Variants in CEP112 observed in about 807,000 individuals in gnomAD.
CEP112 encodes centrosomal protein 112.
In CEP112, 127 loss-of-function variants were observed where a neutral mutation model predicts 153.0. The observed-to-expected ratio is 0.83, with a 90% CI of 0.72 to 0.96. CEP112 has a LOEUF of 0.96. Among genes scored for constraint, CEP112 ranks in the 40% least tolerant of loss-of-function variants. The pLI is 0.00. For missense variants in CEP112, 1,089 were observed against 1,101.2 expected (o/e 0.99, Z 0.16); for synonymous variants, 358 against 374.4 (o/e 0.96, Z 0.51).
At chr17:66,071,299 TC>T (rs2067300669) in intron 8 of CEP112, among the ~76,000 whole-genome samples, 1 of 152,066 alleles carries the variant, frequency 6.6e-6, no homozygotes, top group African/African-American at 2.4e-5. Context: ...AAAATTCAAT[TC>T]CCTTGCCTCT....
At chr17:65,682,444 C>T (rs1418964102) in intron 24 of CEP112, among the ~76,000 whole-genome samples, 1 of 152,104 alleles carries the variant, frequency 6.6e-6, no homozygotes, top group Admixed American at 6.5e-5. Context: ...ATTTCTTGTT[C>T]ATCTTCCCTG....
At chr17:65,714,574 T>C (rs572177219) in intron 23 of CEP112, among the ~76,000 whole-genome samples, 2 of 152,194 alleles carry the variant, frequency 1.3e-5, no homozygotes, top group Non-Finnish European at 2.9e-5. Flanking sequence ...ATTACATGAC[T>C]TTGCCGTCTT....
chr17:65,867,389 G>A (rs887099687), intron 20 of CEP112, among the ~76,000 whole-genome samples: 9 of 152,168 alleles, frequency 5.9e-5, no homozygotes, highest in African/African-American at 9.7e-5. Context: ...AGGCAAAGAC[G>A]CCACTGGCCA....
At chr17:66,063,168 A>G (rs1220191639) in intron 10 of CEP112, 87 bp from the exon 11 acceptor site, 1 of 514,152 alleles carries the variant, frequency 1.9e-6, no homozygotes, top group Non-Finnish European at 3.3e-6. Context: ...GTTAGTAGGT[A>G]ATTCAATTTT....
chr17:66,072,120 A>G (rs2067327416), intron 8 of CEP112, among the ~76,000 whole-genome samples: 2 of 152,080 alleles, frequency 1.3e-5, no homozygotes, highest in Admixed American at 6.6e-5. Flanking sequence ...TTTTATGTCT[A>G]TATCTACCTC....
At chr17:65,920,399 ATATATAAT>A (rs1568230025) in intron 19 of CEP112, among the ~76,000 whole-genome samples, 1 of 112,846 alleles carries the variant, frequency 8.9e-6, no homozygotes, top group South Asian at 2.7e-4. Context: ...ATATATATAT[ATATATAAT>A]TATAATATAT....
intron 12 of CEP112, among the ~76,000 whole-genome samples, chr17:66,031,483 T>G (rs61634652): frequency 0.59 from 59,019 of 100,590 alleles, 13,917 homozygotes; most frequent in Non-Finnish European, 0.63. Context: ...GTTTTTTTTT[T>G]TTGTTTTTTT....
chr17:65,971,661 C>A (rs2062835893), intron 17 of CEP112, among the ~76,000 whole-genome samples: 1 of 122,102 alleles, frequency 8.2e-6, no homozygotes, highest in Non-Finnish European at 1.8e-5. Context: ...ATGTCACATG[C>A]ATGTATGTTA....
intron 20 of CEP112, among the ~76,000 whole-genome samples, chr17:65,893,609 G>C (rs2059555946): frequency 6.6e-6 from 1 of 151,858 alleles, no homozygotes; most frequent in Non-Finnish European, 1.5e-5. Context: ...CAATACTTGG[G>C]GGCTCAATTC....
intron 18 of CEP112, among the ~76,000 whole-genome samples, chr17:65,950,037 T>C (rs1180714094): frequency 1.3e-5 from 2 of 152,164 alleles, no homozygotes; most frequent in Admixed American, 6.6e-5. Context: ...TTTTAAAAAA[T>C]AGCCTTAGAA....
intron 18 of CEP112, among the ~76,000 whole-genome samples, chr17:65,954,955 G>T (rs2061954906): frequency 6.6e-6 from 1 of 152,274 alleles, no homozygotes; most frequent in African/African-American, 2.4e-5. Flanking sequence ...GAATAATTTA[G>T]GAAAACTTCC....
chr17:65,925,918 G>C (rs912234868), intron 19 of CEP112, among the ~76,000 whole-genome samples: 2 of 152,272 alleles, frequency 1.3e-5, no homozygotes, highest in African/African-American at 4.8e-5. Flanking sequence ...TATGAAATAA[G>C]CCTTTTTTGT....
intron 23 of CEP112, among the ~76,000 whole-genome samples, chr17:65,731,447 C>G (rs533683796): frequency 9.2e-5 from 14 of 152,252 alleles, no homozygotes; most frequent in Admixed American, 2.0e-4. Flanking sequence ...CCCAGAGAGT[C>G]CTAATCTTTT....
At chr17:66,155,324 G>A (rs2071390223) in intron 4 of CEP112, among the ~76,000 whole-genome samples, 1 of 152,104 alleles carries the variant, frequency 6.6e-6, no homozygotes, top group Non-Finnish European at 1.5e-5. Flanking sequence ...CAGAAGCCAT[G>A]AGGGACTGTG....
intron 4 of CEP112, among the ~76,000 whole-genome samples, chr17:66,159,313 C>T (rs1054776556): frequency 6.6e-6 from 1 of 152,154 alleles, no homozygotes; most frequent in Admixed American, 6.5e-5. Flanking sequence ...CTATTCCAAA[C>T]AATAGAAAAA....
intron 23 of CEP112, among the ~76,000 whole-genome samples, 188 bp from the exon 24 acceptor site, chr17:65,689,406 T>C (rs921372436): frequency 1.3e-5 from 2 of 148,190 alleles, no homozygotes; most frequent in Non-Finnish European, 3.0e-5. Context: ...GAATACCTAG[T>C]ATAAAAAATT....
chr17:65,696,325 G>C (rs2048353774), intron 23 of CEP112, among the ~76,000 whole-genome samples: 1 of 152,172 alleles, frequency 6.6e-6, no homozygotes, highest in African/African-American at 2.4e-5. Context: ...CCTGCATGAT[G>C]GGGCAGAGTG....
At chr17:66,034,895 C>G (rs1369905833) in intron 12 of CEP112, among the ~76,000 whole-genome samples, 1 of 149,702 alleles carries the variant, frequency 6.7e-6, no homozygotes, top group East Asian at 2.0e-4. Context: ...GCAACCCCTG[C>G]CTCCCAAGTC....
intron 6 of CEP112, among the ~76,000 whole-genome samples, chr17:66,103,868 C>T (rs1363568608): frequency 1.3e-5 from 2 of 152,170 alleles, no homozygotes; most frequent in South Asian, 4.1e-4. Flanking sequence ...AAACTCAGTG[C>T]TGCCCTGTCA....
Sources: gnomAD v4.1 joint callset for allele counts (sites outside exome capture counted in the v4.1 genomes callset) on GRCh38, gnomAD v4.1.1 for gene constraint, MANE v1.5 for transcripts, NCBI Gene and HGNC (gene_info 2026-07-23, HGNC 2026-07-21) for gene names.